KCNT2: variants seen among roughly 807,000 people sequenced by gnomAD.
KCNT2 encodes potassium channel subfamily T member 2.
A neutral mutation model predicts 153.8 loss-of-function variants in KCNT2; 67 were observed. That is an observed-to-expected ratio of 0.44 (90% CI 0.36 to 0.53). KCNT2 has a LOEUF of 0.53. KCNT2 is among the 20% of genes least tolerant of loss of function. The pLI is 0.00. For synonymous variants in KCNT2, 500 were observed against 458.8 expected (o/e 1.09, Z -1.15); for missense variants, 975 against 1,354.8 (o/e 0.72, Z 4.40).
chr1:196,307,200 G>C (rs1248739327), intron 21 of KCNT2, among the ~76,000 whole-genome samples: 1 of 152,060 alleles, frequency 6.6e-6, no homozygotes, highest in Non-Finnish European at 1.5e-5. Context: ...CATGAAGCTA[G>C]TGGCTACATA....
At chr1:196,546,297 T>C (rs1300243435) in intron 1 of KCNT2, among the ~76,000 whole-genome samples, 2 of 152,130 alleles carry the variant, frequency 1.3e-5, no homozygotes, top group African/African-American at 2.4e-5. Context: ...AATGTATCTA[T>C]TTTTGTCTTT....
chr1:196,273,458 A>G (rs1233783502), intron 25 of KCNT2: 1 of 1,525,258 alleles, frequency 6.6e-7, no homozygotes, highest in South Asian at 1.2e-5. Flanking sequence ...AACAAACAGA[A>G]AATACTTACT....
At chr1:196,352,703 C>T (rs1237393760) in intron 14 of KCNT2, among the ~76,000 whole-genome samples, 1 of 152,080 alleles carries the variant, frequency 6.6e-6, no homozygotes, top group Non-Finnish European at 1.5e-5. Flanking sequence ...GCCTCTATTT[C>T]TGTCAGTTCT....
At chr1:196,335,134 A>C (rs776318299) in intron 16 of KCNT2, among the ~76,000 whole-genome samples, 16 of 152,274 alleles carry the variant, frequency 1.1e-4, no homozygotes, top group Non-Finnish European at 2.1e-4. Context: ...ATCATATTTC[A>C]TAATTACTTA....
intron 19 of KCNT2, among the ~76,000 whole-genome samples, chr1:196,324,225 G>A (rs1277070463): frequency 2.6e-5 from 4 of 151,938 alleles, no homozygotes; most frequent in Admixed American, 6.6e-5. Context: ...AAGCCATTAG[G>A]AAGGCAAAGG....
chr1:196,602,032 T>A (rs1160404797), intron 1 of KCNT2, among the ~76,000 whole-genome samples: 1 of 151,852 alleles, frequency 6.6e-6, no homozygotes, highest in African/African-American at 2.4e-5. Flanking sequence ...TATGACCCAT[T>A]AAAAAAAATC....
intron 1 of KCNT2, among the ~76,000 whole-genome samples, chr1:196,500,073 G>A (rs1350425416): frequency 1.3e-5 from 2 of 151,756 alleles, no homozygotes; most frequent in Non-Finnish European, 2.9e-5. Context: ...GAACTTGGGA[G>A]GTGGAGATTG....
intron 14 of KCNT2, among the ~76,000 whole-genome samples, chr1:196,352,940 T>C (rs1261220814): frequency 6.6e-6 from 1 of 152,166 alleles, no homozygotes; most frequent in Non-Finnish European, 1.5e-5. Flanking sequence ...TCTTTATTTC[T>C]GCCTTCATTT....
intron 7 of KCNT2, among the ~76,000 whole-genome samples, chr1:196,465,641 G>C (rs894412030): frequency 6.6e-6 from 1 of 151,822 alleles, no homozygotes; most frequent in Admixed American, 6.6e-5. Flanking sequence ...CAGTTTACTT[G>C]CATTACAGAC....
chr1:196,497,341 C>T (rs1015952772), intron 1 of KCNT2, among the ~76,000 whole-genome samples: 1 of 152,112 alleles, frequency 6.6e-6, no homozygotes, highest in African/African-American at 2.4e-5. Context: ...TTAGGTACTA[C>T]TAAGTGCTAT....
chr1:196,245,149 G>T (rs1010736709), intron 26 of KCNT2, among the ~76,000 whole-genome samples: 1 of 152,180 alleles, frequency 6.6e-6, no homozygotes, highest in Non-Finnish European at 1.5e-5. Context: ...GGCTTGGGGT[G>T]CACCGTGAGT....
chr1:196,537,048 C>G (rs1056811794), intron 1 of KCNT2, among the ~76,000 whole-genome samples: 2 of 152,214 alleles, frequency 1.3e-5, no homozygotes, highest in East Asian at 1.9e-4. Context: ...CCAAAACTAC[C>G]TGTGGATACA....
At chr1:196,261,199 C>T (rs1656997581) in intron 25 of KCNT2, among the ~76,000 whole-genome samples, 1 of 151,736 alleles carries the variant, frequency 6.6e-6, no homozygotes, top group Admixed American at 6.6e-5. Context: ...ATAGTAGGAC[C>T]TTCTCCTGAA....
chr1:196,506,152 G>C (rs1429127508), intron 1 of KCNT2, among the ~76,000 whole-genome samples: 1 of 152,092 alleles, frequency 6.6e-6, no homozygotes, highest in Non-Finnish European at 1.5e-5. Context: ...TAGTGTAAGA[G>C]CTAAAGAAGA....
chr1:196,408,173 C>T (rs1475431669), intron 12 of KCNT2, among the ~76,000 whole-genome samples: 1 of 151,500 alleles, frequency 6.6e-6, no homozygotes, highest in East Asian at 1.9e-4. Context: ...GCTCTTTTCA[C>T]TACATGGGGC....
At chr1:196,527,397 C>G (rs891511078) in intron 1 of KCNT2, among the ~76,000 whole-genome samples, 6 of 152,098 alleles carry the variant, frequency 3.9e-5, no homozygotes, top group Non-Finnish European at 7.4e-5. Context: ...ATCATACTAA[C>G]ATGAAGTTAG....
chr1:196,594,929 T>C (rs1663862306), intron 1 of KCNT2, among the ~76,000 whole-genome samples: 1 of 152,162 alleles, frequency 6.6e-6, no homozygotes, highest in African/African-American at 2.4e-5. Context: ...ATATTTCAAA[T>C]AATAGCATTA....
chr1:196,504,059 C>A (rs750865627), intron 1 of KCNT2, among the ~76,000 whole-genome samples: 9 of 152,096 alleles, frequency 5.9e-5, no homozygotes, highest in African/African-American at 1.7e-4. Flanking sequence ...TCACTTAATA[C>A]AAACTTACGA....
At chr1:196,584,109 G>A (rs1348848329) in intron 1 of KCNT2, among the ~76,000 whole-genome samples, 1 of 150,266 alleles carries the variant, frequency 6.7e-6, no homozygotes, top group Non-Finnish European at 1.5e-5. Flanking sequence ...GCAGGGTCTG[G>A]AACAGGGTAT....
Sources: allele counts gnomAD v4.1 joint callset (sites outside exome capture counted in the v4.1 genomes callset), GRCh38; gene constraint gnomAD v4.1.1; transcripts MANE v1.5; gene names NCBI Gene and HGNC (gene_info 2026-07-23, HGNC 2026-07-21).